SNX29: variants seen among roughly 807,000 people sequenced by gnomAD.
SNX29 encodes the protein sorting nexin 29.
Under a neutral mutation model 102.1 loss-of-function variants are expected in SNX29, and 78 were observed. The ratio of observed to expected loss-of-function variants is 0.76; its 90% CI spans 0.64 to 0.92. SNX29 has a LOEUF of 0.92. SNX29 is among the 40% of genes least tolerant of loss of function. The pLI, the probability that SNX29 is intolerant of heterozygous loss-of-function variation, is 0.00. For synonymous variants in SNX29, 580 were observed against 414.5 expected, an observed-to-expected ratio of 1.40 and a Z score of -4.85; for missense variants, 1,280 against 1,061.7, an observed-to-expected ratio of 1.21 and a Z score of -2.86.
rs350275 is a variant in SNX29 at position 12,139,242 on chromosome 16, G to A, written c.1595+9484G>A. On this transcript the variant is annotated intron_variant, in intron 13 of 20. Transcript: ENST00000566228. ...AAAAAAGGGAGGAAGGCTTTGTGCA[G>A]CATCTCCTGCCTGATCGTGAGACCG... 2.0e-5 allele frequency among the ~76,000 whole-genome samples: 3 copies of A among 146,604 alleles called. No homozygotes were observed. In the South Asian group the frequency reaches 6.5e-4, roughly 32 times the overall value.
At chr16:12,372,012 A>G (rs370915988) in intron 16 of SNX29, among the ~76,000 whole-genome samples, 1 of 152,248 alleles carries the variant, frequency 6.6e-6, no homozygotes, top group East Asian at 1.9e-4. Flanking sequence ...TTCTGAAAGA[A>G]TATAAATAAT....
At chr16:12,544,345 C>T (rs117530058) in intron 20 of SNX29, among the ~76,000 whole-genome samples, 1 of 152,170 alleles carries the variant, frequency 6.6e-6, no homozygotes, top group Non-Finnish European at 1.5e-5. Context: ...AAAGTCAGTA[C>T]TGTTGGAAAG....
chr16:12,050,999 G>A (rs979588531), intron 7 of SNX29, among the ~76,000 whole-genome samples: 2 of 152,110 alleles, frequency 1.3e-5, no homozygotes, highest in Non-Finnish European at 2.9e-5. Flanking sequence ...GGGATTATAG[G>A]CGTGAGCCAC....
At chr16:12,251,039 T>C (rs1374795690) in intron 14 of SNX29, among the ~76,000 whole-genome samples, 1 of 152,240 alleles carries the variant, frequency 6.6e-6, no homozygotes, top group African/African-American at 2.4e-5. Flanking sequence ...CCCTCTGGGC[T>C]GCGGGCCATG....
chr16:12,321,300 C>G (rs934286150), intron 15 of SNX29, among the ~76,000 whole-genome samples: 8 of 152,210 alleles, frequency 5.3e-5, no homozygotes, highest in African/African-American at 1.9e-4. Flanking sequence ...AACAGGGACA[C>G]TCCATTGGAG....
At chr16:12,224,776 G>A (rs539344305) in intron 14 of SNX29, among the ~76,000 whole-genome samples, 1 of 152,182 alleles carries the variant, frequency 6.6e-6, no homozygotes, top group Non-Finnish European at 1.5e-5. Context: ...AGACAAGCCT[G>A]ATGGAGTCCC....
At chr16:12,024,435 C>T (rs868219817) in intron 3 of SNX29, among the ~76,000 whole-genome samples, 2 of 152,084 alleles carry the variant, frequency 1.3e-5, no homozygotes, top group Admixed American at 6.6e-5. Flanking sequence ...TGTGAGCCAC[C>T]GCACCCAGTC....
intron 20 of SNX29, among the ~76,000 whole-genome samples, chr16:12,536,698 C>T (rs1046227647): frequency 2.6e-5 from 4 of 152,182 alleles, no homozygotes; most frequent in African/African-American, 9.7e-5. Context: ...GTTCAGGGGG[C>T]TGGACGTGGT....
intron 14 of SNX29, among the ~76,000 whole-genome samples, chr16:12,225,437 G>A (rs1209289234): frequency 6.6e-6 from 1 of 152,154 alleles, no homozygotes; most frequent in African/African-American, 2.4e-5. Context: ...AGTCTCATGA[G>A]ATCTGATGGC....
chr16:12,563,652 G>C (rs911456581), intron 20 of SNX29, among the ~76,000 whole-genome samples: 2 of 152,118 alleles, frequency 1.3e-5, no homozygotes, highest in African/African-American at 4.8e-5. Context: ...TAGGAACTGA[G>C]TCTTTTCAAT....
At chr16:12,540,301 G>C (rs372753181) in intron 20 of SNX29, among the ~76,000 whole-genome samples, 2 of 152,076 alleles carry the variant, frequency 1.3e-5, no homozygotes, top group Non-Finnish European at 1.5e-5. Flanking sequence ...ATTACGGGGT[G>C]GCCCCACCCT....
At chr16:12,335,947 C>T (rs544955856) in intron 15 of SNX29, among the ~76,000 whole-genome samples, 31 of 151,956 alleles carry the variant, frequency 2.0e-4, no homozygotes, top group East Asian at 2.0e-3. Flanking sequence ...CCACCTCCAC[C>T]GCTACCCTCT....
chr16:12,032,766 C>G (rs145818803), intron 4 of SNX29, among the ~76,000 whole-genome samples: 1 of 152,072 alleles, frequency 6.6e-6, no homozygotes, highest in African/African-American at 2.4e-5. Context: ...TCCATAGAGG[C>G]TATACCCTGT....
intron 11 of SNX29, among the ~76,000 whole-genome samples, chr16:12,089,148 GAGAA>G (rs2052377936): frequency 2.2e-5 from 3 of 139,270 alleles, no homozygotes; most frequent in South Asian, 2.3e-4. Context: ...AGAGAGAAAA[GAGAA>G]AGAGAAAGAA....
intron 11 of SNX29, among the ~76,000 whole-genome samples, chr16:12,110,855 G>A (rs1032434952): frequency 3.3e-5 from 5 of 151,408 alleles, no homozygotes; most frequent in Admixed American, 3.3e-4. Flanking sequence ...AAAGGGTCTT[G>A]CTCTGTTGCC....
At chr16:12,441,690 C>T (rs552622247) in intron 18 of SNX29, among the ~76,000 whole-genome samples, 1 of 152,260 alleles carries the variant, frequency 6.6e-6, no homozygotes, top group African/African-American at 2.4e-5. Context: ...GTCTAAGAAT[C>T]CTTTGCCTAC....
At chr16:12,036,435 C>T (rs1268088980) in intron 4 of SNX29, among the ~76,000 whole-genome samples, 3 of 150,736 alleles carry the variant, frequency 2.0e-5, no homozygotes, top group South Asian at 2.1e-4. Flanking sequence ...CCCGGATTCA[C>T]GCCATTCTTC....
At chr16:12,404,931 G>A (rs1555529720) in intron 18 of SNX29, among the ~76,000 whole-genome samples, 1 of 152,206 alleles carries the variant, frequency 6.6e-6, no homozygotes, top group African/African-American at 2.4e-5. Flanking sequence ...GCTAGACTTT[G>A]GCATGAGAAG....
chr16:12,554,296 A>C (rs878974024), intron 20 of SNX29, among the ~76,000 whole-genome samples: 1 of 152,144 alleles, frequency 6.6e-6, no homozygotes, highest in East Asian at 1.9e-4. Flanking sequence ...CTTGCTTCAT[A>C]TGAGGTTTCA....
Sources: gnomAD v4.1 joint callset for allele counts (sites outside exome capture counted in the v4.1 genomes callset) on GRCh38, gnomAD v4.1.1 for gene constraint, MANE v1.5 for transcripts, NCBI Gene and HGNC (gene_info 2026-07-23, HGNC 2026-07-21) for gene names.